The following MAST2 variants were observed in gnomAD, a reference collection of about 807,000 sequenced individuals.
MAST2 encodes the protein microtubule associated serine/threonine kinase 2.
Under a neutral mutation model 147.4 loss-of-function variants are expected in MAST2, and 70 were observed. The ratio of observed to expected loss-of-function variants is 0.47; its 90% CI spans 0.39 to 0.58. The LOEUF is 0.58. Ranked by LOEUF, MAST2 falls within the 20% of genes least tolerant of loss-of-function variation. The pLI is 0.00. For missense variants in MAST2, 2,080 were observed against 2,302.3 expected, an observed-to-expected ratio of 0.90 and a Z score of 1.98; for synonymous variants, 869 against 896.8, an observed-to-expected ratio of 0.97 and a Z score of 0.55.
chr1:45,874,720 C>T (rs1400549234), intron 3 of MAST2, among the ~76,000 whole-genome samples: 1 of 152,120 alleles, frequency 6.6e-6, no homozygotes, highest in African/African-American at 2.4e-5. Flanking sequence ...CAGGAATGTC[C>T]TTGAGAGCAA....
chr1:45,813,939 A>G (rs72690858), intron 1 of MAST2, among the ~76,000 whole-genome samples: 4,887 of 152,280 alleles, frequency 0.032, 136 homozygotes, highest in Non-Finnish European at 0.041. Context: ...AGCATGAACT[A>G]TTATGCCTGG....
intron 3 of MAST2, chr1:45,847,558 G>T (rs1645480097): frequency 7.4e-6 from 6 of 815,072 alleles, no homozygotes; most frequent in South Asian, 5.6e-5. Flanking sequence ...CTATATGGAT[G>T]AATGACTTTT....
intron 4 of MAST2, among the ~76,000 whole-genome samples, chr1:45,943,176 G>A (rs1382228944): frequency 2.6e-5 from 4 of 152,246 alleles, no homozygotes; most frequent in African/African-American, 9.6e-5. Context: ...ACTACTGGAT[G>A]TAAAGTGTGT....
intron 4 of MAST2, among the ~76,000 whole-genome samples, chr1:45,931,700 G>A (rs960487762): frequency 2.6e-5 from 4 of 151,778 alleles, no homozygotes; most frequent in African/African-American, 7.3e-5. Context: ...CACCATATTG[G>A]TGAAACTAGT....
chr1:45,932,386 T>G (rs1655454527), intron 4 of MAST2, among the ~76,000 whole-genome samples: 1 of 152,172 alleles, frequency 6.6e-6, no homozygotes, highest in African/African-American at 2.4e-5. Flanking sequence ...ACTGTATAAA[T>G]TCAGTGGACT....
chr1:45,808,221 C>T (rs1446431294), intron 1 of MAST2, among the ~76,000 whole-genome samples: 1 of 152,016 alleles, frequency 6.6e-6, no homozygotes, highest in African/African-American at 2.4e-5. Context: ...GAAATTATAT[C>T]CATGGCTTTT....
In MAST2 at chr1:46,027,961, G is replaced by T. The variant is rs1006896175; in HGVS notation, c.2052+98G>T. ...AATCCCAACCCTTTGGGAGGCTGAG[G>T]CAGGAGGATCGCTTGAGGCCAGCCT... On this transcript the variant is annotated intron_variant, in intron 17 of 28. Coordinates refer to ENST00000361297, the MANE Select transcript of MAST2 (RefSeq NM_015112.3). 2.7e-6 allele frequency: 4 copies of T among 1,483,914 alleles called. No individual in the cohort carries two copies. The South Asian group carries it at 3.8e-5, about 14-fold the overall frequency. The allele number at this position is 1,483,914 out of a possible 1,614,324, so 91.9% of individuals were successfully genotyped here. A position where few individuals can be genotyped will look rare whatever the true frequency, so the allele number is the denominator to read the frequency against.
intron 4 of MAST2, among the ~76,000 whole-genome samples, chr1:45,944,364 A>G (rs1657740750): frequency 6.6e-6 from 1 of 152,148 alleles, no homozygotes; most frequent in African/African-American, 2.4e-5. Context: ...ACCATCCTTG[A>G]TTTTTATTTA....
In MAST2 at chr1:46,032,605, G is replaced by T; in HGVS notation, c.3424G>T (p.Asp1142Tyr). 6.2e-7 allele frequency: 1 copy of T among 1,614,146 alleles called. No individual in the cohort carries two copies. The highest frequency in any genetic ancestry group is 1.1e-5 in the South Asian group (1 of 91,074). The stretch of plus-strand genomic sequence containing the variant: ...TCTCTTCCTGGCACAGCACGTGGAG[G>T]ATGGAGGTCCGGCCAGTGAGGCAGG... Reference protein sequence around the residue: ...TVHHMVWHVEDGGPASEAGLR... With the variant: ...TVHHMVWHVEYGGPASEAGLR... The change falls in exon 26 of 29, where the codon GAT (aspartate) becomes TAT (tyrosine). Residue 1142 changes from aspartate to tyrosine, a missense_variant. Asp to Tyr is a radical substitution (Grantham distance 160). Around this residue, in one of 4 missense-constraint regions of MAST2, gnomAD observed 1,278 missense variants for 1,304.2 expected, o/e 0.98. Transcript: ENST00000361297.
At chr1:45,925,925 G>A (rs1188942854) in intron 4 of MAST2, among the ~76,000 whole-genome samples, 4 of 152,168 alleles carry the variant, frequency 2.6e-5, no homozygotes, top group African/African-American at 9.7e-5. Flanking sequence ...GACTTGCGTG[G>A]CAAATGGACA....
intron 3 of MAST2, among the ~76,000 whole-genome samples, chr1:45,832,802 A>G (rs1270686342): frequency 2.0e-5 from 3 of 152,112 alleles, no homozygotes; most frequent in South Asian, 2.1e-4. Flanking sequence ...TATAATTCAC[A>G]TATGATATAA....
chr1:45,967,027 G>A (rs1028997111), intron 5 of MAST2, among the ~76,000 whole-genome samples: 13 of 151,802 alleles, frequency 8.6e-5, no homozygotes, highest in African/African-American at 1.9e-4. Flanking sequence ...AATTCCTGGC[G>A]GAGCACGATG....
intron 5 of MAST2, among the ~76,000 whole-genome samples, chr1:45,975,774 C>T (rs1644126311): frequency 6.6e-6 from 1 of 151,294 alleles, no homozygotes; most frequent in Admixed American, 6.6e-5. Flanking sequence ...CAGAAAGTCA[C>T]GGAGGGCTAT....
intron 3 of MAST2, among the ~76,000 whole-genome samples, chr1:45,834,896 T>A (rs1645058693): frequency 6.6e-6 from 1 of 152,126 alleles, no homozygotes; most frequent in Admixed American, 6.5e-5. Flanking sequence ...ACCTGTCTAC[T>A]GTCTTTCCAT....
chr1:45,838,215 C>CTTTTTTTTTTTTTTTTT (rs61696475), intron 3 of MAST2, among the ~76,000 whole-genome samples: 1 of 97,988 alleles, frequency 1.0e-5, no homozygotes, highest in Non-Finnish European at 2.0e-5. Flanking sequence ...TATATATATT[C>CTTTTTTTTTTTTTTTTT]TTTTTTTTTT....
At chr1:45,939,981 T>TG (rs1557937836) in intron 4 of MAST2, among the ~76,000 whole-genome samples, 3 of 34,228 alleles carry the variant, frequency 8.8e-5, no homozygotes, top group Non-Finnish European at 1.3e-4. Flanking sequence ...TTATTTAGGG[T>TG]TTTTTTTTTT....
At chr1:46,033,963 T>C (rs200809453) in intron 27 of MAST2, 25 bp downstream of exon 27, 3 of 1,612,550 alleles carry the variant, frequency 1.9e-6, no homozygotes, top group Non-Finnish European at 2.5e-6. Flanking sequence ...GTGAAGAGGG[T>C]TTTCTCTGAG....
At chr1:45,936,166 G>A (rs1245217398) in intron 4 of MAST2, among the ~76,000 whole-genome samples, 1 of 152,062 alleles carries the variant, frequency 6.6e-6, no homozygotes, top group Non-Finnish European at 1.5e-5. Flanking sequence ...ATTGTCATTG[G>A]GATTTCATTC....
chr1:45,854,711 T>G (rs942500333), intron 3 of MAST2, among the ~76,000 whole-genome samples: 2 of 152,128 alleles, frequency 1.3e-5, no homozygotes, highest in Non-Finnish European at 2.9e-5. Context: ...ATTTATGGGT[T>G]TTTTTTCCCT....
Sources: gnomAD v4.1 joint callset for allele counts (sites outside exome capture counted in the v4.1 genomes callset) on GRCh38, gnomAD v4.1.1 for gene constraint, gnomAD v4.1.1 regional missense constraint, MANE v1.5 for transcripts, NCBI Gene and HGNC (gene_info 2026-07-23, HGNC 2026-07-21) for gene names.